ACYP2: variants seen among roughly 807,000 people sequenced by gnomAD.
ACYP2 encodes the protein acylphosphatase-2.
Under a neutral mutation model 11.2 loss-of-function variants are expected in ACYP2, and 12 were observed. That is an observed-to-expected ratio of 1.08 (90% CI 0.69 to 1.74). The LOEUF (loss-of-function observed/expected upper bound fraction) is 1.74. Ranked by LOEUF, ACYP2 falls within the 40% of genes most tolerant of loss-of-function variation. The pLI is 0.00. For synonymous variants in ACYP2, 43 were observed against 32.2 expected (o/e 1.33, Z -1.13); for missense variants, 134 against 101.9 (o/e 1.31, Z -1.35).
intron 6 of ACYP2, among the ~76,000 whole-genome samples, chr2:54,202,297 C>T (rs1171466016): frequency 1.3e-5 from 2 of 150,862 alleles, no homozygotes; most frequent in South Asian, 2.1e-4. Flanking sequence ...TCAGTAGAGA[C>T]GGAGTTTCAC....
chr2:54,195,179 T>C (rs1423843877), intron 6 of ACYP2, among the ~76,000 whole-genome samples: 5 of 152,198 alleles, frequency 3.3e-5, no homozygotes, highest in South Asian at 4.1e-4. Context: ...CCTTTGGGAA[T>C]GTGGTCACTG....
chr2:54,086,254 T>C (rs1171902511), intron 4 of ACYP2, among the ~76,000 whole-genome samples: 1 of 152,138 alleles, frequency 6.6e-6, no homozygotes, highest in African/African-American at 2.4e-5. Flanking sequence ...ACAGCCACTT[T>C]TACATTTTTT....
chr2:54,153,823 A>G (rs1572862947), intron 6 of ACYP2, among the ~76,000 whole-genome samples: 2 of 151,830 alleles, frequency 1.3e-5, no homozygotes, highest in Non-Finnish European at 2.9e-5. Flanking sequence ...AATGGTCTCA[A>G]TCTCCTGACC....
At chr2:54,134,040 C>T (rs1681079965) in intron 4 of ACYP2, among the ~76,000 whole-genome samples, 1 of 152,172 alleles carries the variant, frequency 6.6e-6, no homozygotes, top group African/African-American at 2.4e-5. Flanking sequence ...ACCAATGATA[C>T]TTCCCAGCCT....
At chr2:54,055,915 C>T (rs1447302750) in intron 3 of ACYP2, among the ~76,000 whole-genome samples, 1 of 152,124 alleles carries the variant, frequency 6.6e-6, no homozygotes, top group Non-Finnish European at 1.5e-5. Context: ...ATAGTACCTC[C>T]ATAGACATAC....
chr2:54,099,544 T>C (rs1678777583), intron 4 of ACYP2, among the ~76,000 whole-genome samples: 1 of 152,226 alleles, frequency 6.6e-6, no homozygotes, highest in South Asian at 2.1e-4. Context: ...TTTGTCTTTC[T>C]GTGCCTGGCT....
intron 4 of ACYP2, among the ~76,000 whole-genome samples, chr2:54,076,449 G>A (rs1168643538): frequency 6.6e-6 from 1 of 152,146 alleles, no homozygotes; most frequent in Admixed American, 6.5e-5. Context: ...GCTAGTTAAT[G>A]GCAGAGAAAG....
chr2:54,196,860 G>A (rs17045595), intron 6 of ACYP2, among the ~76,000 whole-genome samples: 5,980 of 152,294 alleles, frequency 0.039, 402 homozygotes, highest in African/African-American at 0.14. Context: ...AGTGTATCAT[G>A]GTAGATTAAG....
chr2:54,113,263 A>G (rs1423082545), intron 4 of ACYP2, among the ~76,000 whole-genome samples: 1 of 147,840 alleles, frequency 6.8e-6, no homozygotes, highest in African/African-American at 2.5e-5. Context: ...TTTTGGAGAC[A>G]GGGTCTCGCT....
At chr2:54,195,774 T>C (rs1322801757) in intron 6 of ACYP2, among the ~76,000 whole-genome samples, 1 of 150,308 alleles carries the variant, frequency 6.7e-6, no homozygotes, top group Non-Finnish European at 1.5e-5. Flanking sequence ...GAGGGGTACA[T>C]TGTCATCGTT....
chr2:54,095,794 C>T (rs1377052301), intron 4 of ACYP2, among the ~76,000 whole-genome samples: 2 of 130,648 alleles, frequency 1.5e-5, no homozygotes, highest in South Asian at 2.7e-4. Context: ...GGGGTTGACC[C>T]TCCCACCTCC....
intron 2 of ACYP2, among the ~76,000 whole-genome samples, chr2:53,979,926 A>G (rs1274302697): frequency 2.0e-5 from 3 of 152,032 alleles, no homozygotes; most frequent in African/African-American, 7.2e-5. Flanking sequence ...TTCTGACCTC[A>G]AGTGATCCAC....
intron 4 of ACYP2, among the ~76,000 whole-genome samples, chr2:54,104,905 G>C (rs1413540383): frequency 2.0e-5 from 3 of 152,204 alleles, no homozygotes; most frequent in African/African-American, 7.2e-5. Context: ...GTCTAGTCAG[G>C]TCTTAGAGGA....
At chr2:54,046,266 G>T (rs1346568123) in intron 2 of ACYP2, among the ~76,000 whole-genome samples, 2 of 151,318 alleles carry the variant, frequency 1.3e-5, no homozygotes, top group Admixed American at 6.6e-5. Context: ...ATTACTTGAG[G>T]TCAGGAGTTC....
At chr2:54,104,877 G>T (rs1679074154) in intron 4 of ACYP2, among the ~76,000 whole-genome samples, 1 of 152,176 alleles carries the variant, frequency 6.6e-6, no homozygotes, top group South Asian at 2.1e-4. Flanking sequence ...GCTGATAGGG[G>T]ATTGCACAAA....
At chr2:54,274,922 T>C (rs1336285917) in intron 6 of ACYP2, among the ~76,000 whole-genome samples, 2 of 152,194 alleles carry the variant, frequency 1.3e-5, no homozygotes, top group African/African-American at 4.8e-5. Context: ...AGTGGTGCTT[T>C]TGATATCATT....
intron 6 of ACYP2, among the ~76,000 whole-genome samples, chr2:54,146,553 G>T (rs905745859): frequency 1.3e-5 from 2 of 151,858 alleles, no homozygotes; most frequent in Admixed American, 6.6e-5. Flanking sequence ...GGGATTACAG[G>T]TGTGAGCCAC....
chr2:54,288,480 C>G (rs1689172339), intron 6 of ACYP2, among the ~76,000 whole-genome samples: 1 of 152,012 alleles, frequency 6.6e-6, no homozygotes, highest in African/African-American at 2.4e-5. Context: ...TTCACCTAGG[C>G]TAGAGAAAGA....
In ACYP2 at chr2:54,288,250, CTG is replaced by C. The variant is rs61703389; in HGVS notation, c.405-16434_405-16433del. On this transcript the variant is annotated intron_variant, in intron 6 of 6. Transcript: ENST00000607452. ...TCTTTACCCTAGAAACAGAAACAGA[CTG>C]TGTTTCAGCATAATGCAGGTGACCA... Among the ~76,000 whole-genome samples, 329 of 152,092 alleles carry C rather than the reference CTG, an allele frequency of 2.2e-3. 3 individuals carry two copies. Among genetic ancestry groups the C allele is most frequent in the African/African-American group, 7.6e-3 (316 of 41,364 alleles).
Sources: allele counts gnomAD v4.1 joint callset (sites outside exome capture counted in the v4.1 genomes callset), GRCh38; gene constraint gnomAD v4.1.1; transcripts MANE v1.5; gene names NCBI Gene and HGNC (gene_info 2026-07-23, HGNC 2026-07-21).